MED15: variants seen among roughly 807,000 people sequenced by gnomAD.
MED15 encodes the protein mediator of RNA polymerase II transcription subunit 15.
Under a neutral mutation model 118.7 loss-of-function variants are expected in MED15, and 41 were observed. The observed-to-expected ratio is 0.35, with a 90% confidence interval of 0.27 to 0.45. The LOEUF is 0.45. MED15 is among the 20% of genes least tolerant of loss of function. The pLI is 1.00. For missense variants in MED15, 740 were observed against 1,025.5 expected (o/e 0.72, Z 3.80); for synonymous variants, 436 against 413.9 (o/e 1.05, Z -0.65).
At chr22:20,545,774 A>G (rs2055508687) in intron 2 of MED15, among the ~76,000 whole-genome samples, 1 of 152,094 alleles carries the variant, frequency 6.6e-6, no homozygotes, top group Non-Finnish European at 1.5e-5. Flanking sequence ...CCAAGGTCCC[A>G]TGGGGCTATG....
chr22:20,570,764 T>C (rs1601613507), intron 8 of MED15, among the ~76,000 whole-genome samples: 1 of 124,042 alleles, frequency 8.1e-6, no homozygotes, highest in African/African-American at 3.1e-5. Context: ...TTTTTTTTTT[T>C]TTTTTTTTTT....
chr22:20,536,622 C>T (rs894672727), intron 1 of MED15, among the ~76,000 whole-genome samples: 1 of 152,240 alleles, frequency 6.6e-6, no homozygotes, highest in Admixed American at 6.5e-5. Flanking sequence ...CACATAGGGA[C>T]AGACCCTTGC....
rs765884898 is a variant in MED15, at chr22:20,582,589, G to A, written c.1273-22G>A. On this transcript the variant is annotated intron_variant, in intron 9 of 17. Coordinates refer to ENST00000263205, the MANE Select transcript of MED15 (RefSeq NM_001003891.3). ...GCGGGCGGGCGTGTGGCAGCGCGCC[G>A]GCTGAGCCCCTCCACTTCCAGGTCA... The A allele has an allele frequency of 5.7e-5, 87 of 1,538,928 alleles. 1 individual carries two copies. Among genetic ancestry groups the A allele is most frequent in the Admixed American group, 2.7e-4 (14 of 51,106 alleles).
intron 8 of MED15, among the ~76,000 whole-genome samples, chr22:20,572,984 A>T (rs1221120399): frequency 1.5e-4 from 18 of 121,356 alleles, no homozygotes; most frequent in African/African-American, 5.0e-4. Context: ...TTTTTTTTTT[A>T]AAGACAGAGT....
chr22:20,561,853 T>C (rs953612401), intron 5 of MED15, among the ~76,000 whole-genome samples: 12 of 151,718 alleles, frequency 7.9e-5, no homozygotes, highest in Non-Finnish European at 1.6e-4. Flanking sequence ...CATCTCTACA[T>C]AAAATTTAAA....
chr22:20,569,924 G>C (rs1276252057), intron 8 of MED15, among the ~76,000 whole-genome samples: 1 of 152,224 alleles, frequency 6.6e-6, no homozygotes, highest in East Asian at 1.9e-4. Flanking sequence ...GGTGTGTTCA[G>C]AGTCAGCTTA....
chr22:20,516,977 G>T (rs577163500), intron 1 of MED15, among the ~76,000 whole-genome samples: 1 of 152,160 alleles, frequency 6.6e-6, no homozygotes. Context: ...ATGTTGCCCA[G>T]GCTGGAGTGC....
chr22:20,519,592 T>A (rs1309182164), intron 1 of MED15, among the ~76,000 whole-genome samples: 1 of 152,068 alleles, frequency 6.6e-6, no homozygotes, highest in Non-Finnish European at 1.5e-5. Context: ...GTGGCTGGGA[T>A]TACAGGCCTG....
At chr22:20,511,113 C>T (rs1267633982) in intron 1 of MED15, among the ~76,000 whole-genome samples, 1 of 152,172 alleles carries the variant, frequency 6.6e-6, no homozygotes, top group African/African-American at 2.4e-5. Flanking sequence ...CTAGACATAC[C>T]TTTAACTCTT....
At chr22:20,552,803 T>G in intron 3 of MED15, 2 of 304,818 alleles carry the variant, frequency 6.6e-6, no homozygotes, top group Non-Finnish European at 6.3e-6. Flanking sequence ...TCCTGTAGTG[T>G]TCTATTATTT....
intron 1 of MED15, chr22:20,518,739 A>G (rs1045442631): frequency 2.7e-6 from 1 of 371,926 alleles, no homozygotes; most frequent in Non-Finnish European, 5.3e-6. Context: ...GCTGGCTTTA[A>G]TTAAAGCCTG....
rs9624088 is a variant in MED15 at position 20,560,372 on chromosome 22, C to G, written c.452-4078C>G. On this transcript the variant is annotated intron_variant, in intron 5 of 17. Coordinates refer to ENST00000263205, the MANE Select transcript of MED15 (RefSeq NM_001003891.3). ...CTCGACCTCCCAGGTTCAAGCGATT[C>G]TCCTGCCTCAGCCTCCCAAGTAGCT... Among the ~76,000 whole-genome samples, 997 of 152,236 alleles carry G rather than the reference C, an allele frequency of 6.5e-3. 12 individuals are homozygous for G. The highest frequency in any genetic ancestry group is 0.022 in the African/African-American group (922 of 41,532).
In MED15 at chr22:20,521,391, C is replaced by T. The variant is rs546686061; in HGVS notation, c.68+13645C>T. On this transcript the variant is annotated intron_variant, in intron 1 of 17. Transcript: ENST00000263205. ...GGATTACAGGCATGAGCCACCATGC[C>T]CAGCCTGTGTTTTTGTTTTTTTTGA... Among the ~76,000 whole-genome samples the T allele has an allele frequency of 4.0e-5, 6 of 151,226 alleles. No homozygotes were observed. In the East Asian group the frequency reaches 7.8e-4, roughly 20 times the overall value.
chr22:20,544,223 A>G (rs759241382), intron 2 of MED15, among the ~76,000 whole-genome samples: 25 of 152,118 alleles, frequency 1.6e-4, no homozygotes, highest in Non-Finnish European at 2.5e-4. Flanking sequence ...GGCCTTTTCT[A>G]TCATGCTTCT....
intron 2 of MED15, among the ~76,000 whole-genome samples, chr22:20,538,441 G>A (rs2055163996): frequency 6.6e-6 from 1 of 151,158 alleles, no homozygotes; most frequent in Non-Finnish European, 1.5e-5. Flanking sequence ...GTGGAGACGA[G>A]GTCCCACTAT....
chr22:20,567,606 G>T (rs165727), intron 7 of MED15, among the ~76,000 whole-genome samples: 39,211 of 152,080 alleles, frequency 0.26, 5,396 homozygotes, highest in East Asian at 0.51. Context: ...GCCTGACCCC[G>T]GGGACTGTGC....
intron 1 of MED15, chr22:20,523,928 A>G (rs1358322245): frequency 2.5e-6 from 2 of 786,020 alleles, no homozygotes; most frequent in Non-Finnish European, 3.1e-6. Flanking sequence ...AGCGTCATCA[A>G]GCAGCCCAGA....
intron 9 of MED15, among the ~76,000 whole-genome samples, chr22:20,575,777 A>C (rs201952886): frequency 1.3e-5 from 2 of 150,092 alleles, no homozygotes; most frequent in African/African-American, 4.8e-5. Flanking sequence ...ACAAAAAAAA[A>C]ACCTAAAAGT....
intron 1 of MED15, among the ~76,000 whole-genome samples, chr22:20,515,861 GGCATAGTGGT>G (rs1315218328): frequency 3.3e-5 from 5 of 151,976 alleles, no homozygotes. Context: ...AAATTAGCCA[GGCATAGTGGT>G]GCACACCTGT....
Sources: allele counts gnomAD v4.1 joint callset (sites outside exome capture counted in the v4.1 genomes callset), GRCh38; gene constraint gnomAD v4.1.1; transcripts MANE v1.5; gene names NCBI Gene and HGNC (gene_info 2026-07-23, HGNC 2026-07-21).